The following KCNIP4 variants were observed in gnomAD, a reference collection of about 807,000 sequenced individuals.
KCNIP4 encodes the protein potassium voltage-gated channel interacting protein 4, also known as Kv channel-interacting protein 4.
Under a neutral mutation model 34.0 loss-of-function variants are expected in KCNIP4, and 12 were observed. That is an observed-to-expected ratio of 0.35 (90% confidence interval 0.23 to 0.57). The LOEUF is 0.57. Ranked by LOEUF, KCNIP4 falls within the 20% of genes least tolerant of loss-of-function variation. KCNIP4 has a pLI of 0.83. For missense variants in KCNIP4, 238 were observed against 311.7 expected (o/e 0.76, Z 1.78); for synonymous variants, 124 against 102.2 (o/e 1.21, Z -1.29).
At chr4:21,836,613 C>A (rs1350508014) in intron 1 of KCNIP4, among the ~76,000 whole-genome samples, 1 of 152,074 alleles carries the variant, frequency 6.6e-6, no homozygotes, top group Non-Finnish European at 1.5e-5. Context: ...TAACATGATG[C>A]CTTACTTCAC....
At chr4:21,185,005 G>GT (rs145793394) in intron 1 of KCNIP4, among the ~76,000 whole-genome samples, 319 of 152,202 alleles carry the variant, frequency 2.1e-3, no homozygotes, top group African/African-American at 7.4e-3. Context: ...AAGCACATCC[G>GT]AACAGGACAA....
intron 3 of KCNIP4, among the ~76,000 whole-genome samples, chr4:20,765,604 A>G (rs1044064260): frequency 1.3e-5 from 2 of 152,130 alleles, no homozygotes; most frequent in Non-Finnish European, 2.9e-5. Flanking sequence ...GCTGAGGAAA[A>G]TGTTCTGGTT....
chr4:21,153,585 CT>C (rs1560769271), intron 1 of KCNIP4, among the ~76,000 whole-genome samples: 1 of 147,818 alleles, frequency 6.8e-6, no homozygotes, highest in Non-Finnish European at 1.5e-5. Flanking sequence ...TTCTCAATTT[CT>C]TATAGCTCTC....
intron 1 of KCNIP4, among the ~76,000 whole-genome samples, chr4:21,166,841 A>G (rs1337432106): frequency 6.8e-6 from 1 of 146,716 alleles, no homozygotes; most frequent in Non-Finnish European, 1.5e-5. Context: ...TGGGAGGCTG[A>G]GGCAAGAGAA....
At chr4:21,277,021 A>G (rs1553851322) in intron 1 of KCNIP4, among the ~76,000 whole-genome samples, 1 of 152,226 alleles carries the variant, frequency 6.6e-6, no homozygotes, top group African/African-American at 2.4e-5. Context: ...AAGTCAAGAT[A>G]TAACTCTGTC....
chr4:21,243,222 T>C (rs1241307464), intron 1 of KCNIP4, among the ~76,000 whole-genome samples: 1 of 152,098 alleles, frequency 6.6e-6, no homozygotes, highest in African/African-American at 2.4e-5. Context: ...TTATGATACA[T>C]ATAAGAAATT....
At chr4:21,467,106 A>G (rs1300755923) in intron 1 of KCNIP4, among the ~76,000 whole-genome samples, 4 of 149,648 alleles carry the variant, frequency 2.7e-5, no homozygotes, top group East Asian at 3.9e-4. Flanking sequence ...ACACACACAC[A>G]CACACACACA....
chr4:21,058,195 A>C (rs537330006), intron 1 of KCNIP4, among the ~76,000 whole-genome samples: 154 of 152,310 alleles, frequency 1.0e-3, no homozygotes, highest in African/African-American at 3.5e-3. Context: ...GGAAAGATGC[A>C]AACTTTTAGT....
chr4:20,980,802 T>C (rs1577478676), intron 1 of KCNIP4, among the ~76,000 whole-genome samples: 1 of 146,734 alleles, frequency 6.8e-6, no homozygotes, highest in South Asian at 2.1e-4. Flanking sequence ...CCTTCACTTC[T>C]CCACCATAAA....
At chr4:21,640,602 C>G (rs1746546792) in intron 1 of KCNIP4, among the ~76,000 whole-genome samples, 1 of 152,158 alleles carries the variant, frequency 6.6e-6, no homozygotes, top group South Asian at 2.1e-4. Flanking sequence ...ACCAACCAAC[C>G]AACCAACCAA....
intron 1 of KCNIP4, among the ~76,000 whole-genome samples, chr4:21,683,446 ATTTTTTTTTTTTTTTTTTTTTTTTTT>A (rs71191533): frequency 2.1e-5 from 1 of 46,554 alleles, no homozygotes; most frequent in Non-Finnish European, 4.2e-5. Flanking sequence ...GTGAAGCCAG[ATTTTTTTTTTTTTTTTTTTTTTTTTT>A]TTTTTTTTTT....
At chr4:21,326,971 T>A (rs926648281) in intron 1 of KCNIP4, among the ~76,000 whole-genome samples, 2 of 152,058 alleles carry the variant, frequency 1.3e-5, no homozygotes, top group Non-Finnish European at 2.9e-5. Context: ...CTTTTTGTTG[T>A]TTCTGTTTAT....
At chr4:21,188,545 A>G (rs1003632674) in intron 1 of KCNIP4, among the ~76,000 whole-genome samples, 12 of 152,214 alleles carry the variant, frequency 7.9e-5, no homozygotes, top group Admixed American at 2.6e-4. Flanking sequence ...GAGAATTGCT[A>G]AGACATTCAT....
At chr4:21,296,026 C>A (rs535353740) in intron 1 of KCNIP4, among the ~76,000 whole-genome samples, 1 of 152,076 alleles carries the variant, frequency 6.6e-6, no homozygotes, top group African/African-American at 2.4e-5. Flanking sequence ...GATGAACTTG[C>A]AAGAATGGAG....
chr4:21,625,073 G>C (rs1212657978), intron 1 of KCNIP4, among the ~76,000 whole-genome samples: 1 of 151,820 alleles, frequency 6.6e-6, no homozygotes, highest in Non-Finnish European at 1.5e-5. Context: ...TGCTTTTCAG[G>C]GACAAACTGA....
chr4:20,982,418 G>A (rs1245776258), intron 1 of KCNIP4, among the ~76,000 whole-genome samples: 1 of 152,174 alleles, frequency 6.6e-6, no homozygotes, highest in Admixed American at 6.5e-5. Flanking sequence ...TCAAGAGAAT[G>A]CAAAATTGTG....
At chr4:21,247,757 T>C (rs1412048540) in intron 1 of KCNIP4, among the ~76,000 whole-genome samples, 2 of 124,256 alleles carry the variant, frequency 1.6e-5, no homozygotes, top group South Asian at 5.0e-4. Context: ...TATATATATA[T>C]ATACACCCCA....
intron 1 of KCNIP4, among the ~76,000 whole-genome samples, chr4:21,206,468 G>A (rs1756859295): frequency 6.6e-6 from 1 of 152,104 alleles, no homozygotes; most frequent in Admixed American, 6.6e-5. Context: ...ACAATTTGCT[G>A]GTTTGGAGGA....
intron 1 of KCNIP4, among the ~76,000 whole-genome samples, chr4:21,500,821 C>T (rs1841369): frequency 0.02 from 2,968 of 152,100 alleles, 96 homozygotes; most frequent in East Asian, 0.12. Context: ...ATTAAATTTT[C>T]GACTATGGGA....
Sources: allele counts gnomAD v4.1 joint callset (sites outside exome capture counted in the v4.1 genomes callset), GRCh38; gene constraint gnomAD v4.1.1; transcripts MANE v1.5; gene names NCBI Gene and HGNC (gene_info 2026-07-23, HGNC 2026-07-21).